Variants in CNGA3 observed in about 807,000 individuals in gnomAD.
CNGA3 encodes the protein cyclic nucleotide gated channel subunit alpha 3.
Under a neutral mutation model 46.6 loss-of-function variants are expected in CNGA3, and 42 were observed. The ratio of observed to expected loss-of-function variants is 0.90; its 90% CI spans 0.70 to 1.17. The LOEUF is 1.17. Among genes scored for constraint, CNGA3 ranks in the 50% most tolerant of loss-of-function variants. CNGA3 has a pLI of 0.00. For missense variants in CNGA3, 893 were observed against 890.7 expected (o/e 1.00, Z -0.03); for synonymous variants, 394 against 369.4 (o/e 1.07, Z -0.76).
At position 98,397,390 on chromosome 2, in the gene CNGA3, G is replaced by A; in HGVS notation, c.*135G>A. On this transcript the variant is annotated 3_prime_UTR_variant, in exon 8 of 8. Transcript: ENST00000272602. ...CCCTTTGAAAGCTGTGTGACTGCCT[G>A]AGAGAACCTGTTTCTTCACCTAAAA... The A allele has an allele frequency of 1.1e-6, 1 of 900,482 alleles. No homozygotes were observed. The highest frequency in any genetic ancestry group is 2.6e-5 in the East Asian group (1 of 37,928). 55.8% of individuals were successfully genotyped at this position (900,482 alleles called of 1,614,324 possible). A position where few individuals can be genotyped will look rare whatever the true frequency, so the allele number is the denominator to read the frequency against.
At chr2:98,386,618 T>G (rs895099617) in intron 5 of CNGA3, among the ~76,000 whole-genome samples, 1 of 152,194 alleles carries the variant, frequency 6.6e-6, no homozygotes, top group South Asian at 2.1e-4. Flanking sequence ...ATTAGCAGCA[T>G]GAGAACAGAC....
At chr2:98,388,944 T>A (rs896031390) in intron 5 of CNGA3, among the ~76,000 whole-genome samples, 1 of 152,224 alleles carries the variant, frequency 6.6e-6, no homozygotes, top group Non-Finnish European at 1.5e-5. Context: ...AGGGGACACA[T>A]GGACCCAACA....
chr2:98,378,145 G>T (rs1014569097), intron 3 of CNGA3: 1 of 1,550,790 alleles, frequency 6.4e-7, no homozygotes, highest in South Asian at 1.2e-5. Flanking sequence ...GGACACAGTG[G>T]TGTGCTGAGG....
chr2:98,366,957 G>A (rs1318768550), intron 1 of CNGA3, among the ~76,000 whole-genome samples: 1 of 152,104 alleles, frequency 6.6e-6, no homozygotes, highest in Non-Finnish European at 1.5e-5. Context: ...GGGTAGGGTA[G>A]CACAATCACT....
chr2:98,373,335 C>G (rs1574372358), intron 2 of CNGA3, among the ~76,000 whole-genome samples: 1 of 152,318 alleles, frequency 6.6e-6, no homozygotes, highest in East Asian at 1.9e-4. Context: ...CTTGAAATTC[C>G]AGTCCTTTTA....
chr2:98,373,269 A>C (rs940900744), intron 2 of CNGA3, among the ~76,000 whole-genome samples: 1 of 152,228 alleles, frequency 6.6e-6, no homozygotes, highest in African/African-American at 2.4e-5. Flanking sequence ...TTTAAGTTTC[A>C]AATCACTATT....
In CNGA3 at chr2:98,385,108, T is replaced by C. The variant is rs376834263; in HGVS notation, c.449+1667T>C. Among the ~76,000 whole-genome samples the C allele has an allele frequency of 2.7e-4, 41 of 152,302 alleles. No individual in the cohort carries two copies. The South Asian group carries it at 8.5e-3, about 32-fold the overall frequency. On this transcript the variant is annotated intron_variant, in intron 5 of 7. Transcript: ENST00000272602. ...TGGGTGGATTTGGGGATGCAGCCGA[T>C]GGTGCTGGGTCTTTCCTAGGCTCTC...
intron 1 of CNGA3, among the ~76,000 whole-genome samples, chr2:98,349,942 A>G (rs1691737692): frequency 6.6e-6 from 1 of 152,160 alleles, no homozygotes; most frequent in Non-Finnish European, 1.5e-5. Context: ...GAGGAAGAGC[A>G]TGCTTGACAG....
chr2:98,386,139 C>T (rs1478430073), intron 5 of CNGA3, among the ~76,000 whole-genome samples: 1 of 152,172 alleles, frequency 6.6e-6, no homozygotes, highest in Non-Finnish European at 1.5e-5. Context: ...ATAGTAAGTG[C>T]TCAATAAATA....
chr2:98,371,668 T>C (rs1317587367), intron 2 of CNGA3, among the ~76,000 whole-genome samples: 2 of 152,206 alleles, frequency 1.3e-5, no homozygotes, highest in Non-Finnish European at 2.9e-5. Flanking sequence ...TAGCCCTTTG[T>C]CAATGCCTGC....
intron 1 of CNGA3, chr2:98,350,920 C>T (rs56150536): frequency 0.21 from 31,263 of 152,058 alleles, 3,588 homozygotes; most frequent in Middle Eastern, 0.3. Flanking sequence ...TCAACTCTCC[C>T]AACTCAGACT....
chr2:98,396,496 C>G lies in CNGA3; in HGVS notation c.1326C>G (p.Asp442Glu), dbSNP rs1430267924. ...DLETRVIRWF[D>E]YLWANKKTVD... Reference sequence around the variant, plus strand: ...AGACGCGGGTTATCCGGTGGTTTGACTACCTGTGGGCCAACAAGAAGACGG... The same window carrying G: ...AGACGCGGGTTATCCGGTGGTTTGAGTACCTGTGGGCCAACAAGAAGACGG... The change falls in exon 8 of 8, where the codon GAC (aspartate) becomes GAG (glutamate). Residue 442 changes from aspartate to glutamate, a missense_variant. Physicochemically the swap from Asp to Glu is conservative, Grantham distance 45. Coordinates refer to ENST00000272602, the MANE Select transcript of CNGA3 (RefSeq NM_001298.3). 3 of 1,613,872 alleles carry G rather than the reference C, an allele frequency of 1.9e-6. No individual in the cohort carries two copies. The African/African-American group carries it at 4.0e-5, about 22-fold the overall frequency.
intron 1 of CNGA3, among the ~76,000 whole-genome samples, chr2:98,350,198 T>A (rs1022556472): frequency 2.6e-5 from 4 of 152,206 alleles, no homozygotes; most frequent in Non-Finnish European, 4.4e-5. Flanking sequence ...ATTCTGAGTC[T>A]CAGCTTCTTG....
At chr2:98,375,398 C>T (rs1429080740) in intron 2 of CNGA3, among the ~76,000 whole-genome samples, 6 of 152,210 alleles carry the variant, frequency 3.9e-5, no homozygotes, top group East Asian at 1.9e-4. Flanking sequence ...ACAGGGCCCC[C>T]GCCCAGCTGT....
At chr2:98,389,249 CA>C (rs1308340563) in intron 5 of CNGA3, among the ~76,000 whole-genome samples, 1 of 152,210 alleles carries the variant, frequency 6.6e-6, no homozygotes, top group Non-Finnish European at 1.5e-5. Flanking sequence ...TGCATATTTC[CA>C]GGCCCAGCCC....
Position 98,396,496 on chromosome 2 carries a change from C to A in CNGA3, c.1326C>A (p.Asp442Glu). The A allele has an allele frequency of 6.2e-7, 1 of 1,613,990 alleles. No individual in the cohort carries two copies. Among genetic ancestry groups the A allele is most frequent in the Non-Finnish European group, 8.5e-7 (1 of 1,180,026 alleles). Residue 442 changes from aspartate to glutamate, a missense_variant, in exon 8 of 8, where the codon GAC becomes GAA. Asp to Glu is a conservative substitution (Grantham distance 45). This residue lies in a region of CNGA3 where 548 missense variants were observed against 570.8 expected (regional missense o/e 0.96). Transcript: ENST00000272602. ...AGACGCGGGTTATCCGGTGGTTTGA[C>A]TACCTGTGGGCCAACAAGAAGACGG... ...DLETRVIRWF[D>E]YLWANKKTVD...
chr2:98,377,744 G>A lies in CNGA3; in HGVS notation c.159G>A (p.Glu53=), dbSNP rs1362563674. 1.9e-6 allele frequency: 3 copies of A among 1,613,202 alleles called. No homozygotes were observed. Among genetic ancestry groups the A allele is most frequent in the East Asian group, 2.2e-5 (1 of 44,898 alleles). The part of the protein sequence containing the change: ...SSVLQPGIAM[E]TRGLADSGQG... ...TGCTGCAGCCGGGGATCGCCATGGA[G>A]ACCAGAGGACTGGCTGACTCCGGGC... Residue 53 remains glutamate, a synonymous_variant, in exon 3 of 8, where the codon GAG becomes GAA. Coordinates refer to ENST00000272602, the MANE Select transcript of CNGA3 (RefSeq NM_001298.3).
intron 7 of CNGA3, among the ~76,000 whole-genome samples, chr2:98,394,281 T>G (rs1417482498): frequency 6.6e-6 from 1 of 152,170 alleles, no homozygotes; most frequent in Non-Finnish European, 1.5e-5. Context: ...TGGCTCTAGG[T>G]GTCCAGCCCA....
chr2:98,378,353 CTCA>C, intron 3 of CNGA3: 1 of 985,734 alleles, frequency 1.0e-6, no homozygotes, highest in Non-Finnish European at 1.4e-6. Context: ...CTTTTCAAAT[CTCA>C]TCTAGAAATG....
Sources: gnomAD v4.1 joint callset for allele counts (sites outside exome capture counted in the v4.1 genomes callset) on GRCh38, gnomAD v4.1.1 for gene constraint, gnomAD v4.1.1 regional missense constraint, MANE v1.5 for transcripts, NCBI Gene and HGNC (gene_info 2026-07-23, HGNC 2026-07-21) for gene names.